The following CPB2 variants were observed in gnomAD, a reference collection of about 807,000 sequenced individuals.
CPB2 encodes the protein carboxypeptidase B2, also known as carboxypeptidase B-like protein.
CPB2 carries 54 observed loss-of-function variants against 57.0 expected under a neutral mutation model. That is an observed-to-expected ratio of 0.95 (90% CI 0.76 to 1.19). CPB2 has a LOEUF of 1.19. Among genes scored for constraint, CPB2 ranks in the 50% most tolerant of loss-of-function variants. The pLI, the probability that CPB2 is intolerant of heterozygous loss-of-function variation, is 0.00. For missense variants in CPB2, 426 were observed against 512.0 expected (o/e 0.83, Z 1.62); for synonymous variants, 189 against 178.1 (o/e 1.06, Z -0.49).
chr13:46,091,281 C>T (rs895369827), intron 1 of CPB2, among the ~76,000 whole-genome samples: 6 of 152,100 alleles, frequency 3.9e-5, no homozygotes, highest in African/African-American at 1.4e-4. Flanking sequence ...CGGTTTTTGC[C>T]GTTACTTTTA....
chr13:46,104,018 A>C (rs943820762), intron 1 of CPB2, among the ~76,000 whole-genome samples: 52 of 152,382 alleles, frequency 3.4e-4, no homozygotes, highest in African/African-American at 1.2e-3. Flanking sequence ...CAGTTCAGTG[A>C]TCATGTACAA....
chr13:46,071,147 G>A (rs1233092446), intron 6 of CPB2, among the ~76,000 whole-genome samples: 1 of 152,282 alleles, frequency 6.6e-6, no homozygotes, highest in East Asian at 1.9e-4. Flanking sequence ...AACTCCAGAA[G>A]AGCAGGTCAA....
At chr13:46,096,123 C>T (rs1398238229) in intron 1 of CPB2, among the ~76,000 whole-genome samples, 1 of 151,876 alleles carries the variant, frequency 6.6e-6, no homozygotes, top group Admixed American at 6.6e-5. Flanking sequence ...TCAGGTAATC[C>T]ACACACCTCG....
chr13:46,104,283 T>C (rs1187699650), intron 1 of CPB2, among the ~76,000 whole-genome samples: 2 of 152,202 alleles, frequency 1.3e-5, no homozygotes, highest in African/African-American at 2.4e-5. Flanking sequence ...ACAATATCAA[T>C]GTTTTAAAGC....
Position 46,053,627 on chromosome 13 carries a change from A to C in CPB2, c.1259T>G (p.Ile420Ser). Residue 420 changes from isoleucine to serine, a missense_variant, in exon 11 of 11, where the codon ATT (isoleucine) becomes AGT (serine). Ile to Ser is a moderately radical substitution (Grantham distance 142). Transcript: ENST00000181383. ...AAATCAGGGGCATTAAACATTCCTA[A>C]TGACATGCCAAGCTATTTTAGAGAC... ...AAVSKIAWHVIRNV is the reference protein window; with the variant it reads ...AAVSKIAWHVSRNV The C allele has an allele frequency of 6.2e-7, 1 of 1,614,006 alleles. No individual in the cohort carries two copies. The highest frequency in any genetic ancestry group is 8.5e-7 in the Non-Finnish European group (1 of 1,179,918).
intron 1 of CPB2, among the ~76,000 whole-genome samples, chr13:46,089,147 C>CT (rs2045253972): frequency 7.5e-6 from 1 of 133,296 alleles, no homozygotes; most frequent in African/African-American, 2.7e-5. Context: ...AAGAAATAGA[C>CT]TTCTTTTTTT....
At chr13:46,066,844 C>CAAA (rs35694352) in intron 7 of CPB2, among the ~76,000 whole-genome samples, 1 of 99,312 alleles carries the variant, frequency 1.0e-5, no homozygotes, top group African/African-American at 3.5e-5. Context: ...GACACCATCT[C>CAAA]AAAAAAAAAA....
At chr13:46,082,613 A>C in intron 3 of CPB2, 64 bp from the exon 4 acceptor site, 4 of 999,422 alleles carry the variant, frequency 4.0e-6, no homozygotes, top group African/African-American at 1.6e-5. Context: ...CACATGGCCC[A>C]TTGCAGGCAC....
rs909081532 is a variant in CPB2, at chr13:46,099,102, A to G, written c.74+5834T>C. ...TGGACTTCTGAGATACTAGGATTCA[A>G]TAGGTGAAGGGAAGATGAGATGGTA... On this transcript the variant is annotated intron_variant, in intron 1 of 10. Transcript: ENST00000181383. The G allele has an allele frequency of 3.3e-5, 5 of 152,334 alleles. No homozygotes were observed. In the East Asian group the frequency reaches 9.6e-4, roughly 29 times the overall value. The allele number at this position is 152,334 out of a possible 1,614,324, so 9.4% of individuals were successfully genotyped here. A position where few individuals can be genotyped will look rare whatever the true frequency, so the allele number is the denominator to read the frequency against.
chr13:46,087,676 G>T, intron 2 of CPB2, 69 bp downstream of exon 2: 3 of 1,001,042 alleles, frequency 3.0e-6, no homozygotes, highest in Non-Finnish European at 4.7e-6. Context: ...ACAACATACA[G>T]GAGGAAACTC....
chr13:46,081,414 T>C (rs1402623682), intron 4 of CPB2, among the ~76,000 whole-genome samples: 2 of 152,142 alleles, frequency 1.3e-5, no homozygotes. Context: ...TCAAGTTTGC[T>C]CATGCAGTCG....
chr13:46,088,082 G>A (rs1319544429), intron 1 of CPB2, among the ~76,000 whole-genome samples: 15 of 151,996 alleles, frequency 9.9e-5, no homozygotes, highest in Admixed American at 9.2e-4. Context: ...TTTCTTGTGC[G>A]TGCATGTGTG....
chr13:46,080,333 G>A (rs1393794479), intron 4 of CPB2, among the ~76,000 whole-genome samples: 1 of 152,186 alleles, frequency 6.6e-6, no homozygotes, highest in Admixed American at 6.5e-5. Context: ...ACCGATCAAA[G>A]GGAAAGAAGC....
At chr13:46,079,491 A>G (rs1274786336) in intron 4 of CPB2, among the ~76,000 whole-genome samples, 4 of 141,190 alleles carry the variant, frequency 2.8e-5, no homozygotes. Context: ...GTGGAAGTCC[A>G]GTTGTATTTG....
intron 8 of CPB2, among the ~76,000 whole-genome samples, chr13:46,058,771 A>T (rs1249397081): frequency 6.6e-6 from 1 of 152,212 alleles, no homozygotes; most frequent in Non-Finnish European, 1.5e-5. Context: ...AATATAGCCC[A>T]TAAAAGAAAA....
At chr13:46,054,585 G>A (rs2044666117) in intron 10 of CPB2, among the ~76,000 whole-genome samples, 1 of 152,030 alleles carries the variant, frequency 6.6e-6, no homozygotes, top group African/African-American at 2.4e-5. Context: ...GCTAAATTGA[G>A]TCCAGGTTTA....
Position 46,105,000 on chromosome 13 carries a change from A to G in CPB2, c.10T>C (p.Cys4Arg), listed in dbSNP as rs919853660. The G allele has an allele frequency of 6.2e-7, 1 of 1,613,998 alleles. No homozygotes were observed. The highest frequency in any genetic ancestry group is 1.3e-5 in the African/African-American group (1 of 75,050). Residue 4 changes from cysteine (C) to arginine (R), a missense_variant, in exon 1 of 11, where the codon TGC (cysteine) becomes CGC (arginine). Physicochemically the swap from Cys to Arg is radical, Grantham distance 180 (BLOSUM62 -3). Transcript: ENST00000181383. MKL[C>R]SLAVLVPIVL... ...ATGGGTACAAGGACTGCAAGGCTGC[A>G]AAGCTTCATCCCAACAGCAATTTTC...
chr13:46,079,627 T>C (rs1343504251), intron 4 of CPB2, among the ~76,000 whole-genome samples: 1 of 152,020 alleles, frequency 6.6e-6, no homozygotes, highest in Non-Finnish European at 1.5e-5. Context: ...TGAATTATTG[T>C]CTGGTTTGGG....
chr13:46,082,539 C>T lies in CPB2; in HGVS notation c.286G>A (p.Ala96Thr), dbSNP rs906281434. ...VSGIPCSVLL[A>T]DVEDLIQQQI... is the part of the protein sequence containing the mutation. ...TGTTGAATAAGATCTTCCACATCTG[C>T]CAGCAAGACACTAGGTGATGAAACA... is the stretch of plus-strand genomic sequence containing the variant. Residue 96 changes from alanine to threonine, a missense_variant, in exon 4 of 11, where the codon GCA becomes ACA. Coordinates refer to ENST00000181383, the MANE Select transcript of CPB2 (RefSeq NM_001872.5). The T allele has an allele frequency of 5.6e-6, 9 of 1,610,350 alleles. No individual in the cohort carries two copies. Among genetic ancestry groups the T allele is most frequent in the African/African-American group, 2.7e-5 (2 of 74,808 alleles).
Sources: allele counts gnomAD v4.1 joint callset (sites outside exome capture counted in the v4.1 genomes callset), GRCh38; gene constraint gnomAD v4.1.1; transcripts MANE v1.5; gene names NCBI Gene and HGNC (gene_info 2026-07-23, HGNC 2026-07-21).